The following TAFA1 variants were observed in gnomAD, a reference collection of about 807,000 sequenced individuals.
TAFA1 encodes the protein TAFA chemokine like family member 1.
Under a neutral mutation model 18.5 loss-of-function variants are expected in TAFA1, and 4 were observed. The observed-to-expected ratio is 0.22, with a 90% CI of 0.11 to 0.49. The LOEUF (loss-of-function observed/expected upper bound fraction) is 0.49. Among genes scored for constraint, TAFA1 ranks in the 20% least tolerant of loss-of-function variants. The pLI, the probability that TAFA1 is intolerant of heterozygous loss-of-function variation, is 0.98. For missense variants in TAFA1, 147 were observed against 169.0 expected (o/e 0.87, Z 0.72); for synonymous variants, 56 against 55.2 (o/e 1.01, Z -0.06).
intron 3 of TAFA1, among the ~76,000 whole-genome samples, chr3:68,419,478 T>G (rs1053630213): frequency 1.3e-5 from 2 of 152,116 alleles, no homozygotes; most frequent in Non-Finnish European, 2.9e-5. Context: ...TTAAGACAAT[T>G]TTATATGTTA....
At chr3:68,079,427 C>T (rs2064868695) in intron 2 of TAFA1, among the ~76,000 whole-genome samples, 1 of 152,078 alleles carries the variant, frequency 6.6e-6, no homozygotes, top group African/African-American at 2.4e-5. Flanking sequence ...TTGGATCTTT[C>T]CTGCTTTCTC....
intron 2 of TAFA1, among the ~76,000 whole-genome samples, chr3:68,275,502 C>CTT (rs199541727): frequency 0.25 from 35,047 of 140,956 alleles, 4,464 homozygotes; most frequent in East Asian, 0.31. Context: ...GATTAGGGGA[C>CTT]TTTTTTTTTT....
intron 2 of TAFA1, among the ~76,000 whole-genome samples, chr3:68,227,421 A>G (rs568402970): frequency 2.0e-4 from 30 of 152,350 alleles, no homozygotes; most frequent in Middle Eastern, 3.4e-3. Context: ...AAGACAGATT[A>G]GAACATAATT....
At chr3:68,132,333 T>C (rs963864007) in intron 2 of TAFA1, among the ~76,000 whole-genome samples, 2 of 152,232 alleles carry the variant, frequency 1.3e-5, no homozygotes, top group African/African-American at 2.4e-5. Flanking sequence ...AGTGCTGCAA[T>C]AAACATATGT....
intron 2 of TAFA1, among the ~76,000 whole-genome samples, chr3:68,413,461 A>G (rs1017931783): frequency 2.6e-5 from 4 of 152,194 alleles, no homozygotes; most frequent in African/African-American, 9.6e-5. Flanking sequence ...TAATATTATT[A>G]CTATTACCAT....
At chr3:68,024,407 C>A (rs1383572566) in intron 2 of TAFA1, among the ~76,000 whole-genome samples, 1 of 152,120 alleles carries the variant, frequency 6.6e-6, no homozygotes, top group Non-Finnish European at 1.5e-5. Context: ...TTTTTCCTCT[C>A]CCCCTTCCTT....
At chr3:68,005,913 C>T (rs1201733024) in intron 1 of TAFA1, among the ~76,000 whole-genome samples, 1 of 152,164 alleles carries the variant, frequency 6.6e-6, no homozygotes. Flanking sequence ...TCCATAAATA[C>T]ATATGCCACC....
chr3:68,432,489 C>A (rs1214409152), intron 3 of TAFA1, among the ~76,000 whole-genome samples: 9 of 151,914 alleles, frequency 5.9e-5, no homozygotes, highest in Non-Finnish European at 1.2e-4. Flanking sequence ...GATAAGAAAT[C>A]ATGCAATTTT....
chr3:68,391,710 A>C (rs2070252789), intron 2 of TAFA1, among the ~76,000 whole-genome samples: 1 of 152,204 alleles, frequency 6.6e-6, no homozygotes, highest in South Asian at 2.1e-4. Context: ...AATATTCAAC[A>C]TTCTTGAAGA....
At chr3:68,421,617 A>C (rs2070956744) in intron 3 of TAFA1, among the ~76,000 whole-genome samples, 1 of 151,698 alleles carries the variant, frequency 6.6e-6, no homozygotes, top group African/African-American at 2.4e-5. Context: ...TTTTGATAGA[A>C]TGACATTTGC....
At chr3:68,363,694 AAG>A (rs1254792938) in intron 2 of TAFA1, among the ~76,000 whole-genome samples, 1 of 152,192 alleles carries the variant, frequency 6.6e-6, no homozygotes, top group Non-Finnish European at 1.5e-5. Flanking sequence ...TTTTCTTTAG[AAG>A]ACTCATCCCG....
intron 2 of TAFA1, among the ~76,000 whole-genome samples, chr3:68,103,468 G>C (rs2065171588): frequency 1.3e-5 from 2 of 152,154 alleles, no homozygotes. Flanking sequence ...AATTATTAAA[G>C]GGGAAAATAC....
At chr3:68,169,071 G>A (rs2066019487) in intron 2 of TAFA1, among the ~76,000 whole-genome samples, 1 of 151,990 alleles carries the variant, frequency 6.6e-6, no homozygotes, top group Non-Finnish European at 1.5e-5. Context: ...GTAGTAGTTA[G>A]CCTCCAGGAT....
chr3:68,224,617 A>G lies in TAFA1; in HGVS notation c.119-192663A>G, dbSNP rs529687843. 7.9e-5 allele frequency among the ~76,000 whole-genome samples: 12 copies of G among 152,228 alleles called. No homozygotes were observed. In the South Asian group the frequency reaches 2.5e-3, roughly 32 times the overall value. On this transcript the variant is annotated intron_variant, in intron 2 of 4. Transcript: ENST00000478136. The stretch of plus-strand genomic sequence containing the variant: ...CACAGTTGGTAGCAAAGGTCACTGG[A>G]CAGAGAGGCTAGTGATTAGAGTCAC...
At chr3:68,128,275 G>A (rs1189790763) in intron 2 of TAFA1, among the ~76,000 whole-genome samples, 1 of 152,076 alleles carries the variant, frequency 6.6e-6, no homozygotes, top group Non-Finnish European at 1.5e-5. Flanking sequence ...CATGATTAGA[G>A]GCCATCCAAA....
At chr3:68,191,830 C>A (rs1485802998) in intron 2 of TAFA1, among the ~76,000 whole-genome samples, 1 of 151,696 alleles carries the variant, frequency 6.6e-6, no homozygotes, top group Non-Finnish European at 1.5e-5. Flanking sequence ...ATTCTGGAGG[C>A]CTGATTGATA....
At chr3:68,516,452 G>A (rs2072922108) in intron 3 of TAFA1, among the ~76,000 whole-genome samples, 1 of 152,120 alleles carries the variant, frequency 6.6e-6, no homozygotes, top group Admixed American at 6.6e-5. Flanking sequence ...AATGCCAACT[G>A]AAAAAATTAG....
chr3:68,157,134 G>A (rs1414950617), intron 2 of TAFA1, among the ~76,000 whole-genome samples: 1 of 152,196 alleles, frequency 6.6e-6, no homozygotes, highest in African/African-American at 2.4e-5. Flanking sequence ...TATTCAGAAA[G>A]CTGGGAAAGC....
intron 2 of TAFA1, among the ~76,000 whole-genome samples, chr3:68,263,151 C>T (rs965985817): frequency 3.9e-5 from 6 of 152,040 alleles, no homozygotes; most frequent in African/African-American, 1.4e-4. Context: ...AGGCTGGACT[C>T]AAACTCTTAG....
Sources: allele counts gnomAD v4.1 joint callset (sites outside exome capture counted in the v4.1 genomes callset), GRCh38; gene constraint gnomAD v4.1.1; transcripts MANE v1.5; gene names NCBI Gene and HGNC (gene_info 2026-07-23, HGNC 2026-07-21).